Variants in CREB5 observed in about 807,000 individuals in gnomAD.
CREB5 encodes cyclic AMP-responsive element-binding protein 5.
CREB5 carries 19 observed loss-of-function variants against 57.1 expected under a neutral mutation model. The observed-to-expected ratio is 0.33, with a 90% confidence interval of 0.23 to 0.49. CREB5 has a LOEUF of 0.49. Ranked by LOEUF, CREB5 falls within the 20% of genes least tolerant of loss-of-function variation. The pLI, the probability that CREB5 is intolerant of heterozygous loss-of-function variation, is 0.99. For missense variants in CREB5, 579 were observed against 671.6 expected, an observed-to-expected ratio of 0.86 and a Z score of 1.52; for synonymous variants, 238 against 238.3, an observed-to-expected ratio of 1.00 and a Z score of 0.01.
At chr7:28,777,534 A>G (rs1173083978) in intron 7 of CREB5, among the ~76,000 whole-genome samples, 2 of 152,212 alleles carry the variant, frequency 1.3e-5, no homozygotes, top group African/African-American at 4.8e-5. Flanking sequence ...TCCATCAACA[A>G]GGTAGCCTGT....
intron 1 of CREB5, among the ~76,000 whole-genome samples, chr7:28,463,989 A>G (rs1262100878): frequency 1.3e-5 from 2 of 150,332 alleles, no homozygotes. Flanking sequence ...TCTTTCTCTT[A>G]TTCCTGAACC....
intron 1 of CREB5, among the ~76,000 whole-genome samples, chr7:28,327,059 G>T (rs1337255916): frequency 6.8e-6 from 1 of 147,290 alleles, no homozygotes; most frequent in East Asian, 2.0e-4. Context: ...TGAGGCTGGG[G>T]AATCATTTAA....
chr7:28,363,318 G>A (rs1786527002), intron 1 of CREB5, among the ~76,000 whole-genome samples: 3 of 152,036 alleles, frequency 2.0e-5, no homozygotes, highest in Non-Finnish European at 2.9e-5. Context: ...CTTTGATCGG[G>A]CTAAATGCAA....
intron 1 of CREB5, among the ~76,000 whole-genome samples, chr7:28,362,183 A>T (rs541497801): frequency 6.6e-6 from 1 of 152,286 alleles, no homozygotes; most frequent in South Asian, 2.1e-4. Context: ...GCCAAACCCT[A>T]TTTTAATATC....
At chr7:28,640,048 G>A (rs1476367478) in intron 5 of CREB5, among the ~76,000 whole-genome samples, 1 of 152,160 alleles carries the variant, frequency 6.6e-6, no homozygotes, top group Non-Finnish European at 1.5e-5. Flanking sequence ...ATGTGCAGGA[G>A]GAATTTGGTT....
intron 1 of CREB5, among the ~76,000 whole-genome samples, chr7:28,399,237 C>A (rs1462377070): frequency 6.7e-6 from 1 of 149,864 alleles, no homozygotes. Context: ...TTCTATATGG[C>A]AAAAGACAGC....
intron 4 of CREB5, among the ~76,000 whole-genome samples, chr7:28,528,707 A>G (rs177593): frequency 3.2e-3 from 322 of 102,166 alleles, no homozygotes; most frequent in South Asian, 6.7e-3. Flanking sequence ...TCCATCTCAA[A>G]AAAAAAAAAA....
chr7:28,604,123 A>C (rs1208203778), intron 5 of CREB5, among the ~76,000 whole-genome samples: 1 of 152,206 alleles, frequency 6.6e-6, no homozygotes, highest in Admixed American at 6.5e-5. Context: ...GAAAAAAAGA[A>C]AATTAGAAGG....
At chr7:28,531,203 TGG>T (rs1226572544) in intron 4 of CREB5, among the ~76,000 whole-genome samples, 23 of 152,072 alleles carry the variant, frequency 1.5e-4, no homozygotes, top group African/African-American at 4.8e-4. Flanking sequence ...TAATTCCCCA[TGG>T]CTTCGGTAAT....
intron 1 of CREB5, among the ~76,000 whole-genome samples, chr7:28,439,195 A>G: frequency 6.6e-6 from 1 of 152,180 alleles, no homozygotes; most frequent in African/African-American, 2.4e-5. Flanking sequence ...TGCAGGCAGA[A>G]TGAAAAACCA....
At chr7:28,384,823 T>C (rs565919201) in intron 1 of CREB5, among the ~76,000 whole-genome samples, 1 of 152,342 alleles carries the variant, frequency 6.6e-6, no homozygotes, top group South Asian at 2.1e-4. Context: ...TGAGTTCCTG[T>C]GAAACTCTTG....
At chr7:28,561,597 A>T (rs1420413859) in intron 4 of CREB5, among the ~76,000 whole-genome samples, 1 of 152,256 alleles carries the variant, frequency 6.6e-6, no homozygotes, top group Non-Finnish European at 1.5e-5. Context: ...CAGAGAAGCT[A>T]TAAGCTTGCT....
At chr7:28,583,671 C>CATTTTT (rs985705179) in intron 5 of CREB5, among the ~76,000 whole-genome samples, 2 of 152,080 alleles carry the variant, frequency 1.3e-5, no homozygotes, top group Non-Finnish European at 2.9e-5. Context: ...CCTCCACCTT[C>CATTTTT]ATTTTTATTT....
At chr7:28,431,764 C>A (rs768292072) in intron 1 of CREB5, among the ~76,000 whole-genome samples, 17 of 151,974 alleles carry the variant, frequency 1.1e-4, no homozygotes, top group Non-Finnish European at 2.5e-4. Flanking sequence ...GGTACAGAGG[C>A]GTTCTGGTGG....
intron 1 of CREB5, among the ~76,000 whole-genome samples, chr7:28,320,366 A>G (rs776276639): frequency 2.0e-5 from 3 of 152,182 alleles, no homozygotes; most frequent in Admixed American, 6.5e-5. Flanking sequence ...GGGCCGTTCA[A>G]TGCCAGAGGA....
intron 1 of CREB5, among the ~76,000 whole-genome samples, chr7:28,481,739 C>A (rs754486634): frequency 7.9e-5 from 12 of 152,128 alleles, no homozygotes; most frequent in Non-Finnish European, 1.6e-4. Flanking sequence ...AAGAACACTA[C>A]TGATAAAATG....
chr7:28,612,586 GTGTA>G (rs1562527234), intron 5 of CREB5, among the ~76,000 whole-genome samples: 4 of 141,690 alleles, frequency 2.8e-5, no homozygotes, highest in African/African-American at 1.1e-4. Flanking sequence ...GTGTGTGTGT[GTGTA>G]AGGATACAGT....
chr7:28,624,908 G>T (rs541076147), intron 5 of CREB5, among the ~76,000 whole-genome samples: 1 of 151,856 alleles, frequency 6.6e-6, no homozygotes, highest in African/African-American at 2.4e-5. Flanking sequence ...CTACACTGAC[G>T]TGCCTGGATG....
intron 1 of CREB5, among the ~76,000 whole-genome samples, chr7:28,386,320 T>G (rs145324279): frequency 6.6e-6 from 1 of 152,214 alleles, no homozygotes; most frequent in East Asian, 1.9e-4. Context: ...AATTCTATGA[T>G]GATCGTTCCT....
Sources: gnomAD v4.1 joint callset for allele counts (sites outside exome capture counted in the v4.1 genomes callset) on GRCh38, gnomAD v4.1.1 for gene constraint, MANE v1.5 for transcripts, NCBI Gene and HGNC (gene_info 2026-07-23, HGNC 2026-07-21) for gene names.